Variants in SCAPER observed in about 807,000 individuals in gnomAD.
SCAPER encodes S-phase cyclin A associated protein in the ER.
Under a neutral mutation model 182.2 loss-of-function variants are expected in SCAPER, and 98 were observed. That is an observed-to-expected ratio of 0.54 (90% CI 0.46 to 0.64). The LOEUF is 0.64. SCAPER is among the 30% of genes least tolerant of loss of function. SCAPER has a pLI of 0.00. For synonymous variants in SCAPER, 605 were observed against 564.6 expected (o/e 1.07, Z -1.01); for missense variants, 1,432 against 1,690.0 (o/e 0.85, Z 2.68).
At chr15:76,476,434 CTTTT>C (rs1279003843) in intron 24 of SCAPER, among the ~76,000 whole-genome samples, 1 of 150,756 alleles carries the variant, frequency 6.6e-6, no homozygotes, top group Non-Finnish European at 1.5e-5. Context: ...TTCTTTCTTT[CTTTT>C]TGAGACAGGG....
At position 76,722,786 on chromosome 15, in the gene SCAPER, T is replaced by C. The variant is rs191109321; in HGVS notation, c.2165+5809A>G. The stretch of plus-strand genomic sequence containing the variant: ...ATCGGTGGTGATATCTCCTTTGTCA[T>C]TTTTTATTATGCCTATTTGATTCTT... On this transcript the variant is annotated intron_variant, in intron 17 of 31. Coordinates refer to ENST00000563290, the MANE Select transcript of SCAPER (RefSeq NM_020843.4). Among the ~76,000 whole-genome samples the C allele has an allele frequency of 3.1e-3, 475 of 152,336 alleles. 5 individuals are homozygous for C. The highest frequency in any genetic ancestry group is 0.011 in the African/African-American group (454 of 41,576).
chr15:76,616,176 T>C (rs2051465632), intron 22 of SCAPER, among the ~76,000 whole-genome samples: 1 of 152,206 alleles, frequency 6.6e-6, no homozygotes, highest in Non-Finnish European at 1.5e-5. Context: ...GATATTTGTA[T>C]ACCCATGTTC....
chr15:76,829,346 CTA>C (rs912296934), intron 5 of SCAPER, among the ~76,000 whole-genome samples: 9 of 152,072 alleles, frequency 5.9e-5, no homozygotes, highest in Non-Finnish European at 1.5e-5. Flanking sequence ...CTACATAACA[CTA>C]TTGACAGATC....
intron 21 of SCAPER, among the ~76,000 whole-genome samples, chr15:76,655,149 A>G (rs2055515731): frequency 6.6e-6 from 1 of 152,222 alleles, no homozygotes; most frequent in Non-Finnish European, 1.5e-5. Context: ...ATTCTAAGGA[A>G]TACAACAAAA....
chr15:76,740,974 T>A (rs984109346), intron 15 of SCAPER, among the ~76,000 whole-genome samples: 2 of 152,148 alleles, frequency 1.3e-5, no homozygotes, highest in Admixed American at 6.5e-5. Context: ...GAAATTAAAA[T>A]GAAATTGAAT....
intron 17 of SCAPER, among the ~76,000 whole-genome samples, chr15:76,720,494 G>A: frequency 6.6e-6 from 1 of 152,170 alleles, no homozygotes; most frequent in East Asian, 1.9e-4. Flanking sequence ...GATCCCTGAG[G>A]AATCACCACA....
At chr15:76,898,664 C>T (rs2074566683) in intron 1 of SCAPER, among the ~76,000 whole-genome samples, 1 of 152,128 alleles carries the variant, frequency 6.6e-6, no homozygotes, top group Non-Finnish European at 1.5e-5. Flanking sequence ...TGTATAATTC[C>T]ATTTATGTGA....
At chr15:76,623,135 T>C (rs1313358768) in intron 21 of SCAPER, among the ~76,000 whole-genome samples, 6 of 152,242 alleles carry the variant, frequency 3.9e-5, no homozygotes, top group Non-Finnish European at 8.8e-5. Context: ...AAGTTCCTTA[T>C]AGATTCTGGA....
At chr15:76,534,211 T>C (rs746023670) in intron 23 of SCAPER, among the ~76,000 whole-genome samples, 1 of 152,208 alleles carries the variant, frequency 6.6e-6, no homozygotes, top group Non-Finnish European at 1.5e-5. Context: ...AGTTCCCCTG[T>C]ATTTGAAAGT....
In SCAPER at chr15:76,404,615, C is replaced by G; in HGVS notation, c.3376G>C (p.Val1126Leu). 6.2e-7 allele frequency: 1 copy of G among 1,613,590 alleles called. No homozygotes were observed. Among genetic ancestry groups the G allele is most frequent in the Non-Finnish European group, 8.5e-7 (1 of 1,179,810 alleles). Residue 1126 changes from valine to leucine, a missense_variant, in exon 27 of 32, where the codon GTG becomes CTG. By Grantham distance (32) the Val-to-Leu change is conservative. This residue lies in a region of SCAPER where 718 missense variants were observed against 799.7 expected (regional missense o/e 0.90). Transcript: ENST00000563290. ...ATGGCCATCTTGGGATTCTCATCCA[C>G]TGGGCCTTGCACCGAGAGGAAGCAG... ...CACFLSVQGP[V>L]DENPKMAIFL...
At chr15:76,888,063 C>G (rs980502153) in intron 1 of SCAPER, among the ~76,000 whole-genome samples, 2 of 152,202 alleles carry the variant, frequency 1.3e-5, no homozygotes, top group African/African-American at 4.8e-5. Context: ...CCAGCAAACT[C>G]CAACAGACCT....
rs181768920 is a variant in SCAPER at position 76,578,151 on chromosome 15, T to A, written c.2712-3867A>T. Among the ~76,000 whole-genome samples, 3 of 152,014 alleles carry A rather than the reference T, an allele frequency of 2.0e-5. 1 individual carries two copies. In the East Asian group the frequency reaches 5.8e-4, roughly 30 times the overall value. The stretch of plus-strand genomic sequence containing the variant: ...AGGGGAGGGAAGAGTGGTAAGGACT[T>A]TGTCTTGTGGTTTGGGTGTCAGCTC... On this transcript the variant is annotated intron_variant, in intron 22 of 31. Transcript: ENST00000563290.
intron 24 of SCAPER, among the ~76,000 whole-genome samples, chr15:76,503,081 CA>C (rs1423625289): frequency 7.3e-6 from 1 of 137,204 alleles, no homozygotes; most frequent in African/African-American, 2.5e-5. Context: ...CAAAACAAAA[CA>C]AAAACAAAAC....
intron 17 of SCAPER, among the ~76,000 whole-genome samples, chr15:76,724,225 C>A (rs1036433800): frequency 4.0e-5 from 6 of 150,832 alleles, no homozygotes; most frequent in Non-Finnish European, 8.9e-5. Context: ...GTTGAAAATT[C>A]TTTTCTTTAA....
intron 20 of SCAPER, among the ~76,000 whole-genome samples, chr15:76,696,655 A>G (rs577769318): frequency 6.6e-6 from 1 of 152,288 alleles, no homozygotes. Context: ...ACTTCTAGAA[A>G]AGATACTATC....
intron 5 of SCAPER, among the ~76,000 whole-genome samples, chr15:76,818,780 A>T (rs1383134468): frequency 1.3e-5 from 2 of 152,254 alleles, no homozygotes; most frequent in Admixed American, 6.5e-5. Flanking sequence ...GAGCCAAAGC[A>T]GGGCAAGGCA....
chr15:76,638,737 A>G (rs2053851428), intron 21 of SCAPER, among the ~76,000 whole-genome samples: 1 of 152,236 alleles, frequency 6.6e-6, no homozygotes, highest in Non-Finnish European at 1.5e-5. Flanking sequence ...TATGTCGAGA[A>G]TGACAAATTA....
rs2040782304 is a variant in SCAPER at position 76,353,961 on chromosome 15, G to A, written c.4035C>T (p.Ala1345=). 4 of 1,573,782 alleles carry A rather than the reference G, an allele frequency of 2.5e-6. No individual in the cohort carries two copies. Among genetic ancestry groups the A allele is most frequent in the East Asian group, 2.4e-5 (1 of 41,794 alleles). The change falls in exon 30 of 32, where the codon GCC becomes GCT. Residue 1345 remains alanine, a synonymous_variant. Coordinates refer to ENST00000563290, the MANE Select transcript of SCAPER (RefSeq NM_020843.4). ...LEQEMSCVLL[A]TFIQDLAQTP... ...ATGTAGAAGGTACCTGAATGAAAGT[G>A]GCCAGTAAAACACAGCTCATCTCTT... is the stretch of plus-strand genomic sequence containing the variant.
intron 25 of SCAPER, among the ~76,000 whole-genome samples, chr15:76,465,795 C>T (rs909607672): frequency 6.6e-6 from 1 of 151,920 alleles, no homozygotes; most frequent in African/African-American, 2.4e-5. Context: ...TGTGGATATC[C>T]AGTTTTTCCA....
Sources: gnomAD v4.1 joint callset for allele counts (sites outside exome capture counted in the v4.1 genomes callset) on GRCh38, gnomAD v4.1.1 for gene constraint, gnomAD v4.1.1 regional missense constraint, MANE v1.5 for transcripts, NCBI Gene and HGNC (gene_info 2026-07-23, HGNC 2026-07-21) for gene names.